The following HOXB3 variants were observed in gnomAD, a reference collection of about 807,000 sequenced individuals.
HOXB3 encodes the protein homeobox protein Hox-B3.
HOXB3 carries 17 observed loss-of-function variants against 29.2 expected under a neutral mutation model. That is an observed-to-expected ratio of 0.58 (90% CI 0.40 to 0.87). The LOEUF (loss-of-function observed/expected upper bound fraction) is 0.87, where lower values mean the gene tolerates loss of function less well. Among genes scored for constraint, HOXB3 ranks in the 40% least tolerant of loss-of-function variants. The probability of loss-of-function intolerance (pLI) is 0.00; values close to 1 mark genes in which losing one functional copy is unlikely to be tolerated. For missense variants in HOXB3, 637 were observed against 616.3 expected, an observed-to-expected ratio of 1.03 and a Z score of -0.35; for synonymous variants, 317 against 285.9, an observed-to-expected ratio of 1.11 and a Z score of -1.10.
intron 2 of HOXB3, among the ~76,000 whole-genome samples, chr17:48,557,990 CCAGAGGCTTA>C (rs1406998643): frequency 6.6e-6 from 1 of 151,974 alleles, no homozygotes; most frequent in Non-Finnish European, 1.5e-5. Flanking sequence ...AGGGAGGCTT[CCAGAGGCTTA>C]AAGAAACCAG....
At chr17:48,577,015 G>A (rs762936719) in intron 1 of HOXB3, 33 of 1,601,078 alleles carry the variant, frequency 2.1e-5, no homozygotes, top group Non-Finnish European at 2.7e-5. Context: ...GCGTAATTGG[G>A]GTTTACTGGA....
intron 3 of HOXB3, 195 bp downstream of exon 3, chr17:48,555,336 G>A: frequency 5.5e-6 from 2 of 360,776 alleles, no homozygotes; most frequent in Non-Finnish European, 9.8e-6. Context: ...GAGAGAGAGG[G>A]AGAGAGAGAG....
At chr17:48,551,947 C>G in intron 4 of HOXB3, 80 bp downstream of exon 4, 1 of 1,397,342 alleles carries the variant, frequency 7.2e-7, no homozygotes, top group Non-Finnish European at 9.8e-7. Context: ...TCGCGGGCGC[C>G]TAGGGGCTGG....
At chr17:48,576,674 C>T (rs1221681783) in intron 1 of HOXB3, 15 of 1,154,102 alleles carry the variant, frequency 1.3e-5, no homozygotes, top group Non-Finnish European at 1.7e-5. Flanking sequence ...CCCCTGCACT[C>T]ACTGCCCACC....
In HOXB3 at chr17:48,552,157, C is replaced by T; in HGVS notation, c.318G>A (p.Gly106=). ...PTSATSNSSN[G]GGPSKSGPPK... is the part of the protein sequence containing the mutation. ...GGGGACCACTTTTGCTGGGCCCGCC[C>T]CCATTACTGCTGTTGCTAGTGGCAC... Residue 106 remains glycine (G), a synonymous_variant, in exon 4 of 5, where the codon GGG becomes GGA. Coordinates refer to ENST00000498678, the MANE Select transcript of HOXB3 (RefSeq NM_001384749.1). The T allele has an allele frequency of 6.2e-7, 1 of 1,613,996 alleles. No individual in the cohort carries two copies. The highest frequency in any genetic ancestry group is 8.5e-7 in the Non-Finnish European group (1 of 1,179,936).
At chr17:48,585,856 C>G (rs2070036756) in intron 1 of HOXB3, among the ~76,000 whole-genome samples, 1 of 152,242 alleles carries the variant, frequency 6.6e-6, no homozygotes, top group African/African-American at 2.4e-5. Context: ...CTCCACTTCT[C>G]CCCTAGGTGT....
intron 2 of HOXB3, among the ~76,000 whole-genome samples, chr17:48,564,628 G>A (rs993399238): frequency 3.9e-5 from 6 of 152,376 alleles, no homozygotes; most frequent in Non-Finnish European, 8.8e-5. Context: ...CAGGCGAGAG[G>A]AGCGGCAACT....
At chr17:48,555,924 T>C (rs993912157) in intron 2 of HOXB3, among the ~76,000 whole-genome samples, 6 of 152,036 alleles carry the variant, frequency 3.9e-5, no homozygotes, top group African/African-American at 1.2e-4. Flanking sequence ...TGGTACGCCC[T>C]ACTCTCCGTA....
chr17:48,588,430 G>T (rs147571467), intron 1 of HOXB3, among the ~76,000 whole-genome samples: 44 of 152,350 alleles, frequency 2.9e-4, no homozygotes, highest in African/African-American at 1.0e-3. Context: ...TCAGGAGCAG[G>T]CCTTACTATC....
At chr17:48,574,950 T>C (rs997753634) in intron 1 of HOXB3, 1 of 152,194 alleles carries the variant, frequency 6.6e-6, no homozygotes, top group African/African-American at 2.4e-5. Flanking sequence ...CTTTGTAATA[T>C]AAAAATACTC....
At chr17:48,576,842 G>T in intron 1 of HOXB3, 1 of 1,614,260 alleles carries the variant, frequency 6.2e-7, no homozygotes, top group Non-Finnish European at 8.5e-7. Context: ...TCATGCGCCG[G>T]TTCTGGAACC....
rs2069669008 is a variant in HOXB3, at chr17:48,573,848, T to A, written c.-258A>T. The A allele has an allele frequency of 2.8e-6, 2 of 702,294 alleles. No homozygotes were observed. Among genetic ancestry groups the A allele is most frequent in the Admixed American group, 2.0e-5 (1 of 50,006 alleles). The allele number at this position is 702,294 out of a possible 1,614,324, so 43.5% of individuals were successfully genotyped here. The stretch of plus-strand genomic sequence containing the variant: ...CCGGGCTTTGTTACCTTTGCGCCTC[T>A]CGCCTCCTCTCGCCCGAACTCTGCA... On this transcript the variant is annotated 5_prime_UTR_variant, in exon 2 of 5. It introduces an in-frame stop codon into an upstream open reading frame of the 5' UTR. Transcript: ENST00000498678.
chr17:48,583,278 A>G (rs1597858931), intron 1 of HOXB3, among the ~76,000 whole-genome samples: 1 of 152,228 alleles, frequency 6.6e-6, no homozygotes, highest in Middle Eastern at 3.4e-3. Context: ...ATACAAAACA[A>G]TAGCTTCCCC....
At position 48,550,837 on chromosome 17, in the gene HOXB3, G is replaced by C; in HGVS notation, c.793C>G (p.Pro265Ala). The change falls in exon 5 of 5, where the codon CCC (proline) becomes GCC (alanine). Residue 265 changes from proline to alanine, a missense_variant. By Grantham distance (27) the Pro-to-Ala change is conservative. Coordinates refer to ENST00000498678, the MANE Select transcript of HOXB3 (RefSeq NM_001384749.1). ...SSGGPSPAGS[P>A]PQPMQSTAGF... ...GCCGTGGACTGCATGGGCTGCGGGG[G>C]GCTGCCGGCTGGAGATGGGCCCCCC... is the stretch of plus-strand genomic sequence containing the variant. The C allele has an allele frequency of 1.9e-6, 3 of 1,613,880 alleles. No individual in the cohort carries two copies. Among genetic ancestry groups the C allele is most frequent in the Non-Finnish European group, 2.5e-6 (3 of 1,179,900 alleles).
intron 1 of HOXB3, chr17:48,580,269 A>T (rs375166372): frequency 6.3e-6 from 1 of 159,466 alleles, no homozygotes. Flanking sequence ...ACGAAGTCAG[A>T]TTCAGGCCTT....
Position 48,550,742 on chromosome 17 carries a change from T to A in HOXB3, c.888A>T (p.Lys296Asn). Residue 296 changes from lysine (K) to asparagine (N), a missense_variant, in exon 5 of 5, where the codon AAA becomes AAT. Physicochemically the swap from Lys to Asn is moderately conservative, Grantham distance 94. Coordinates refer to ENST00000498678, the MANE Select transcript of HOXB3 (RefSeq NM_001384749.1). ...GCAGCGCGTAGGCATTCTGGTGGGCTTTACCGAAGGCGGGTGGGGACGGGC... is the reference window on the plus strand; with the variant it reads ...GCAGCGCGTAGGCATTCTGGTGGGCATTACCGAAGGCGGGTGGGGACGGGC... ...YESPSPPAFG[K>N]AHQNAYALPS... The A allele has an allele frequency of 6.3e-7, 1 of 1,584,780 alleles. No individual in the cohort carries two copies. The highest frequency in any genetic ancestry group is 8.6e-7 in the Non-Finnish European group (1 of 1,163,090).
chr17:48,566,079 T>C (rs897175186), intron 2 of HOXB3, among the ~76,000 whole-genome samples: 34 of 151,850 alleles, frequency 2.2e-4, no homozygotes, highest in Non-Finnish European at 2.9e-5. Context: ...GAAGACAGAG[T>C]CAGCAGCTTT....
At chr17:48,584,938 C>T (rs1011613164) in intron 1 of HOXB3, among the ~76,000 whole-genome samples, 12 of 150,514 alleles carry the variant, frequency 8.0e-5, no homozygotes, top group Admixed American at 3.3e-4. Flanking sequence ...CCCGCCCCCG[C>T]CGCTAGTCGC....
At chr17:48,583,073 A>G (rs775442225) in intron 1 of HOXB3, among the ~76,000 whole-genome samples, 1 of 152,132 alleles carries the variant, frequency 6.6e-6, no homozygotes, top group Non-Finnish European at 1.5e-5. Context: ...TGCTCCCCCA[A>G]GTGTCAGAGA....
Sources: allele counts gnomAD v4.1 joint callset (sites outside exome capture counted in the v4.1 genomes callset), GRCh38; gene constraint gnomAD v4.1.1; transcripts MANE v1.5; gene names NCBI Gene and HGNC (gene_info 2026-07-23, HGNC 2026-07-21).